The following RUNX1T1 variants were observed in gnomAD, a reference collection of about 807,000 sequenced individuals.
RUNX1T1 encodes RUNX1 partner transcriptional co-repressor 1.
In RUNX1T1, 4 loss-of-function variants were observed where a neutral mutation model predicts 62.8. That is an observed-to-expected ratio of 0.06 (90% CI 0.03 to 0.15). The LOEUF (loss-of-function observed/expected upper bound fraction) is 0.15. Ranked by LOEUF, RUNX1T1 falls within the 10% of genes least tolerant of loss-of-function variation. RUNX1T1 has a pLI of 1.00. For synonymous variants in RUNX1T1, 291 were observed against 286.0 expected, an observed-to-expected ratio of 1.02 and a Z score of -0.18; for missense variants, 508 against 754.3, an observed-to-expected ratio of 0.67 and a Z score of 3.82.
At chr8:92,071,950 G>C (rs1348384082) in intron 2 of RUNX1T1, among the ~76,000 whole-genome samples, 1 of 152,088 alleles carries the variant, frequency 6.6e-6, no homozygotes, top group East Asian at 1.9e-4. Flanking sequence ...AAAACATCCA[G>C]AGAAAGGTCT....
chr8:92,016,395 G>A (rs183523199), intron 2 of RUNX1T1, among the ~76,000 whole-genome samples: 6 of 152,252 alleles, frequency 3.9e-5, no homozygotes, highest in East Asian at 1.9e-4. Flanking sequence ...AGAAAGACAC[G>A]ACCGGGTGCG....
At chr8:91,994,507 G>A (rs899049119) in intron 5 of RUNX1T1, 1 of 459,324 alleles carries the variant, frequency 2.2e-6, no homozygotes, top group Non-Finnish European at 4.3e-6. Context: ...TTGTGGTGTA[G>A]TGGAAAGAGC....
chr8:92,090,296 T>G (rs1223893014), intron 1 of RUNX1T1, among the ~76,000 whole-genome samples: 1 of 151,872 alleles, frequency 6.6e-6, no homozygotes, highest in African/African-American at 2.4e-5. Context: ...AACCTTATCT[T>G]AAGAGGTAAC....
At chr8:92,031,346 T>C (rs894020808) in intron 1 of RUNX1T1, among the ~76,000 whole-genome samples, 6 of 152,192 alleles carry the variant, frequency 3.9e-5, no homozygotes, top group Non-Finnish European at 8.8e-5. Context: ...AAAATACCAG[T>C]AGATTTTTTT....
intron 8 of RUNX1T1, chr8:91,977,429 A>C (rs1203676332): frequency 1.0e-5 from 2 of 195,162 alleles, no homozygotes; most frequent in Non-Finnish European, 2.1e-5. Context: ...GTTTTTACTG[A>C]AGTAACTTTC....
At chr8:91,991,889 T>C (rs760298372) in exon 6 of RUNX1T1, 10 of 1,613,766 alleles carry the variant, frequency 6.2e-6, no homozygotes, top group South Asian at 1.1e-5. Context: ...TTTCTTTGGT[T>C]CTAAAGGGGG....
At chr8:92,066,751 A>T (rs371869047), upstream of RUNX1T1, among the ~76,000 whole-genome samples, 15 of 152,240 alleles carry the variant, frequency 9.9e-5, no homozygotes, top group East Asian at 1.3e-3. Context: ...GTCTGCAAAA[A>T]AACACAAATG....
chr8:92,102,903 T>C (rs1241239533), upstream of RUNX1T1: 1 of 1,516,496 alleles, frequency 6.6e-7, no homozygotes, highest in East Asian at 2.6e-5. This position sits in a 1 kb window ranked among gnomAD's most constrained non-coding sequence, Gnocchi z 4.5. Flanking sequence ...GGCTCCGAGC[T>C]GCAAATAAAA....
intron 9 of RUNX1T1, among the ~76,000 whole-genome samples, chr8:91,975,109 C>T: frequency 6.6e-6 from 1 of 152,318 alleles, no homozygotes; most frequent in East Asian, 1.9e-4. Flanking sequence ...GTATGTTTTT[C>T]ATGGCCTCTT....
chr8:92,005,524 C>T, intron 4 of RUNX1T1: 1 of 487,888 alleles, frequency 2.0e-6, no homozygotes, highest in South Asian at 3.3e-5. Context: ...CTTTACCTCT[C>T]TTTTATTTCT....
upstream of RUNX1T1, chr8:92,102,732 CA>C: frequency 2.0e-6 from 2 of 1,014,362 alleles, no homozygotes; most frequent in South Asian, 3.9e-5. The surrounding 1 kb of genome is among the most constrained non-coding windows in gnomAD (Gnocchi z 4.5). Flanking sequence ...GCGACAAGTA[CA>C]GCCTGGAGCC....
At chr8:91,964,299 C>T (rs554699668) in intron 10 of RUNX1T1, among the ~76,000 whole-genome samples, 3 of 152,146 alleles carry the variant, frequency 2.0e-5, no homozygotes, top group Admixed American at 2.0e-4. Context: ...AAATCTTTTT[C>T]TGAAGGACAA....
At chr8:92,043,828 ATTAGG>A (rs1828899857) in intron 1 of RUNX1T1, among the ~76,000 whole-genome samples, 2 of 151,868 alleles carry the variant, frequency 1.3e-5, no homozygotes, top group Non-Finnish European at 2.9e-5. Context: ...AATACAAAAA[ATTAGG>A]TGGGCATGTT....
Position 92,091,690 on chromosome 8 carries a change from A to T in RUNX1T1, c.-86+7890T>A, listed in dbSNP as rs1027934320. On this transcript the variant is annotated intron_variant, in intron 1 of 11. Transcript: ENST00000265814. ...AAACTGGTGCTATATTGGAGGAAAT[A>T]GCCGCATGATGCCCAGCTCTCTTTA... is the stretch of plus-strand genomic sequence containing the variant. Among the ~76,000 whole-genome samples, 28 of 152,178 alleles carry T rather than the reference A, an allele frequency of 1.8e-4. 1 individual carries two copies. Among genetic ancestry groups the T allele is most frequent in the Non-Finnish European group, 1.5e-5 (1 of 68,028 alleles).
At chr8:92,013,144 T>G (rs887139937) in intron 3 of RUNX1T1, among the ~76,000 whole-genome samples, 3 of 152,160 alleles carry the variant, frequency 2.0e-5, no homozygotes, top group African/African-American at 4.8e-5. Context: ...TACTTTGTGG[T>G]TCCTTGGTCT....
chr8:92,046,101 C>T (rs1014201648), intron 1 of RUNX1T1, among the ~76,000 whole-genome samples: 3 of 152,038 alleles, frequency 2.0e-5, no homozygotes, highest in African/African-American at 4.8e-5. Context: ...CCCTACCTGC[C>T]GACTCATGTA....
At chr8:92,085,765 C>A (rs537796040) in intron 1 of RUNX1T1, among the ~76,000 whole-genome samples, 1 of 152,152 alleles carries the variant, frequency 6.6e-6, no homozygotes, top group Non-Finnish European at 1.5e-5. Flanking sequence ...AAAGTCCTCA[C>A]CCAGGTAGAT....
At chr8:91,982,918 C>CTTT (rs56135737) in intron 8 of RUNX1T1, among the ~76,000 whole-genome samples, 3 of 59,628 alleles carry the variant, frequency 5.0e-5, no homozygotes, top group African/African-American at 1.3e-4. Context: ...TAGGAAAATA[C>CTTT]TTTTTTTTTT....
intron 10 of RUNX1T1, among the ~76,000 whole-genome samples, chr8:91,963,929 T>C (rs940519843): frequency 6.6e-6 from 1 of 152,210 alleles, no homozygotes; most frequent in Non-Finnish European, 1.5e-5. Context: ...GCAAATTTCA[T>C]TCCCAAAGCT....
Sources: allele counts gnomAD v4.1 joint callset (sites outside exome capture counted in the v4.1 genomes callset), GRCh38; gene constraint gnomAD v4.1.1; non-coding constraint Gnocchi (gnomAD v3.1); transcripts MANE v1.5; gene names NCBI Gene and HGNC (gene_info 2026-07-23, HGNC 2026-07-21).